NKAIN3: variants seen among roughly 807,000 people sequenced by gnomAD.
The protein encoded by NKAIN3 is sodium/potassium transporting ATPase interacting 3.
Under a neutral mutation model 30.2 loss-of-function variants are expected in NKAIN3, and 25 were observed. The ratio of observed to expected loss-of-function variants is 0.83; its 90% CI spans 0.60 to 1.16. NKAIN3 has a LOEUF of 1.16. NKAIN3 is among the 50% of genes most tolerant of loss of function. The probability of loss-of-function intolerance (pLI) is 0.00; values close to 1 mark genes in which losing one functional copy is unlikely to be tolerated. For synonymous variants in NKAIN3, 91 were observed against 89.6 expected, an observed-to-expected ratio of 1.02 and a Z score of -0.09; for missense variants, 225 against 254.1, an observed-to-expected ratio of 0.89 and a Z score of 0.78.
intron 4 of NKAIN3, among the ~76,000 whole-genome samples, chr8:62,897,429 C>T (rs990473208): frequency 2.6e-5 from 4 of 151,710 alleles, no homozygotes; most frequent in African/African-American, 9.7e-5. Flanking sequence ...AACTGATTTG[C>T]CAAGACTGGT....
chr8:62,515,069 A>G lies in NKAIN3; in HGVS notation c.55-64470A>G, dbSNP rs564762207. Among the ~76,000 whole-genome samples, 7 of 152,236 alleles carry G rather than the reference A, an allele frequency of 4.6e-5. No individual in the cohort carries two copies. The South Asian group carries it at 1.0e-3, about 23-fold the overall frequency. ...CCTGTCCTCTTCCAAAGGCTCTACCATCATAATCAAGAATATCTCCTTGAC... is the reference window on the plus strand; with the variant it reads ...CCTGTCCTCTTCCAAAGGCTCTACCGTCATAATCAAGAATATCTCCTTGAC... On this transcript the variant is annotated intron_variant, in intron 1 of 6. Transcript: ENST00000623646.
At chr8:62,297,097 T>C (rs1269981114) in intron 1 of NKAIN3, among the ~76,000 whole-genome samples, 1 of 152,230 alleles carries the variant, frequency 6.6e-6, no homozygotes, top group Non-Finnish European at 1.5e-5. Flanking sequence ...TGCTTGGTCT[T>C]CTTTTATTCT....
intron 1 of NKAIN3, among the ~76,000 whole-genome samples, chr8:62,373,414 A>G (rs544869193): frequency 6.6e-6 from 1 of 152,330 alleles, no homozygotes; most frequent in East Asian, 1.9e-4. Context: ...AGAAAACATC[A>G]GAAATCCTGA....
intron 3 of NKAIN3, among the ~76,000 whole-genome samples, chr8:62,687,624 CA>C (rs1190963628): frequency 2.7e-4 from 41 of 152,162 alleles, no homozygotes; most frequent in African/African-American, 8.4e-4. Flanking sequence ...TGGCTCTACC[CA>C]AAAATGAGTG....
rs1585633349 is a variant in NKAIN3, at chr8:62,969,888, T to A, written c.*4481T>A. 6.6e-6 allele frequency among the ~76,000 whole-genome samples: 1 copy of A among 151,866 alleles called. No homozygotes were observed. The highest frequency in any genetic ancestry group is 1.5e-5 in the Non-Finnish European group (1 of 67,956). On this transcript the variant is annotated 3_prime_UTR_variant, in exon 7 of 7. Coordinates refer to ENST00000623646, the MANE Select transcript of NKAIN3 (RefSeq NM_001304533.3). The stretch of plus-strand genomic sequence containing the variant: ...AAGTACTCTTCATATAACTGCACAG[T>A]GAACAATTTAGAAAGGGAACAGATG...
In NKAIN3 at chr8:62,568,069, C is replaced by T. The variant is rs190824402; in HGVS notation, c.55-11470C>T. On this transcript the variant is annotated intron_variant, in intron 1 of 6. Transcript: ENST00000623646. Reference sequence around the variant, plus strand: ...AAAAGTGCAACTTTCCTTTTGTAAACACTTGAGGAAGAAATTGCCACACCT... The same window carrying T: ...AAAAGTGCAACTTTCCTTTTGTAAATACTTGAGGAAGAAATTGCCACACCT... Among the ~76,000 whole-genome samples, 1,055 of 152,244 alleles carry T rather than the reference C, an allele frequency of 6.9e-3. 12 individuals are homozygous for T. Among genetic ancestry groups the T allele is most frequent in the African/African-American group, 0.024 (1,010 of 41,554 alleles).
At chr8:62,841,995 C>A (rs534058327) in intron 4 of NKAIN3, among the ~76,000 whole-genome samples, 1 of 152,222 alleles carries the variant, frequency 6.6e-6, no homozygotes, top group East Asian at 1.9e-4. Context: ...TTGGTAAAAG[C>A]CATTCTATTG....
intron 1 of NKAIN3, among the ~76,000 whole-genome samples, chr8:62,477,724 A>G (rs911105133): frequency 1.3e-5 from 2 of 152,162 alleles, no homozygotes; most frequent in African/African-American, 4.8e-5. Flanking sequence ...TAGAAGTTCT[A>G]GTCATGATTC....
intron 5 of NKAIN3, among the ~76,000 whole-genome samples, chr8:62,944,401 A>G (rs1010090854): frequency 3.9e-4 from 59 of 152,098 alleles, no homozygotes; most frequent in African/African-American, 1.4e-3. Context: ...GCCTTTTCAC[A>G]TACATTTTAG....
At chr8:62,789,125 G>A (rs1350178145) in intron 4 of NKAIN3, among the ~76,000 whole-genome samples, 1 of 152,086 alleles carries the variant, frequency 6.6e-6, no homozygotes, top group Non-Finnish European at 1.5e-5. Context: ...ACCTTGGGCA[G>A]TATGGCCATT....
intron 3 of NKAIN3, among the ~76,000 whole-genome samples, chr8:62,728,841 T>C (rs1357911295): frequency 1.8e-4 from 27 of 148,590 alleles, no homozygotes; most frequent in African/African-American, 6.5e-4. Context: ...ATAGAAAAAA[T>C]TAGCCAGGCG....
chr8:62,436,293 T>C (rs1453383435), intron 1 of NKAIN3, among the ~76,000 whole-genome samples: 1 of 152,214 alleles, frequency 6.6e-6, no homozygotes, highest in Non-Finnish European at 1.5e-5. Flanking sequence ...TTACTGACTG[T>C]TTTCTAATTA....
At chr8:62,427,155 G>C (rs1300153118) in intron 1 of NKAIN3, among the ~76,000 whole-genome samples, 1 of 152,052 alleles carries the variant, frequency 6.6e-6, no homozygotes, top group African/African-American at 2.4e-5. Context: ...GTCTGTAAAA[G>C]AGATTACTTT....
intron 4 of NKAIN3, chr8:62,855,403 C>A: frequency 1.1e-6 from 1 of 887,888 alleles, no homozygotes; most frequent in South Asian, 1.4e-5. Flanking sequence ...CCAGCATGCC[C>A]TTGCTGATAT....
At chr8:62,403,602 T>C (rs1400646202) in intron 1 of NKAIN3, among the ~76,000 whole-genome samples, 1 of 152,156 alleles carries the variant, frequency 6.6e-6, no homozygotes, top group African/African-American at 2.4e-5. Context: ...TACCATGCGG[T>C]ATTGGTCCTG....
At chr8:62,566,603 T>C (rs990683655) in intron 1 of NKAIN3, among the ~76,000 whole-genome samples, 2 of 152,192 alleles carry the variant, frequency 1.3e-5, no homozygotes, top group African/African-American at 4.8e-5. Flanking sequence ...ACTTTAATCA[T>C]ATATGTAAAA....
intron 1 of NKAIN3, among the ~76,000 whole-genome samples, chr8:62,282,010 T>C (rs1813214889): frequency 6.6e-6 from 1 of 152,026 alleles, no homozygotes; most frequent in African/African-American, 2.4e-5. Flanking sequence ...TTTTTTTAAT[T>C]TTCTCCATGT....
At chr8:62,464,933 A>G (rs1806112771) in intron 1 of NKAIN3, among the ~76,000 whole-genome samples, 1 of 152,188 alleles carries the variant, frequency 6.6e-6, no homozygotes, top group Non-Finnish European at 1.5e-5. Flanking sequence ...ATAGGTGAAG[A>G]TAGAATTGGC....
intron 1 of NKAIN3, among the ~76,000 whole-genome samples, chr8:62,325,632 A>T (rs757472702): frequency 6.6e-6 from 1 of 152,036 alleles, no homozygotes; most frequent in Non-Finnish European, 1.5e-5. Flanking sequence ...CTCCACATCC[A>T]TGCCAACATC....
Sources: allele counts gnomAD v4.1 joint callset (sites outside exome capture counted in the v4.1 genomes callset), GRCh38; gene constraint gnomAD v4.1.1; transcripts MANE v1.5; gene names NCBI Gene and HGNC (gene_info 2026-07-23, HGNC 2026-07-21).